Variants in COMMD10 observed in about 807,000 individuals in gnomAD.
COMMD10 encodes the protein COMM domain containing 10.
In COMMD10, 33 loss-of-function variants were observed where a neutral mutation model predicts 28.9. The observed-to-expected ratio is 1.14, with a 90% confidence interval of 0.87 to 1.53. The LOEUF is 1.53. COMMD10 is among the 40% of genes most tolerant of loss of function. The pLI is 0.00. For missense variants in COMMD10, 310 were observed against 233.4 expected, an observed-to-expected ratio of 1.33 and a Z score of -2.14; for synonymous variants, 110 against 81.7, an observed-to-expected ratio of 1.35 and a Z score of -1.87.
chr5:116,203,385 G>A (rs1468260753), intron 5 of COMMD10, among the ~76,000 whole-genome samples: 1 of 152,038 alleles, frequency 6.6e-6, no homozygotes, highest in Non-Finnish European at 1.5e-5. Flanking sequence ...AGGAAATACA[G>A]AGAACGCCAC....
intron 5 of COMMD10, among the ~76,000 whole-genome samples, chr5:116,186,308 T>C (rs6887275): frequency 0.32 from 48,404 of 152,042 alleles, 10,805 homozygotes; most frequent in African/African-American, 0.64. Flanking sequence ...ATTTGTTTCA[T>C]TTCCGCACTT....
intron 5 of COMMD10, among the ~76,000 whole-genome samples, chr5:116,225,369 T>TTTTTTTTTTTTTTTTTTTTTTTTG: frequency 6.7e-6 from 1 of 149,816 alleles, no homozygotes; most frequent in Non-Finnish European, 1.5e-5. Context: ...TTTTTTTTTT[T>TTTTTTTTTTTTTTTTTTTTTTTTG]TTGCATATGT....
intron 5 of COMMD10, among the ~76,000 whole-genome samples, chr5:116,176,759 C>T: frequency 6.6e-6 from 1 of 151,964 alleles, no homozygotes; most frequent in Non-Finnish European, 1.5e-5. Flanking sequence ...TGATTGTTGT[C>T]AGTATCTCCC....
rs185478906 is a variant in COMMD10 at position 116,163,135 on chromosome 5, T to A, written c.510+28957T>A. Among the ~76,000 whole-genome samples the A allele has an allele frequency of 4.9e-3, 715 of 145,508 alleles. 5 individuals are homozygous for A. Among genetic ancestry groups the A allele is most frequent in the African/African-American group, 0.016 (605 of 37,426 alleles). ...TTTACCAGAGTGAGTAATTTTTAGA[T>A]AATTCAGCATTAGATATATACAAAT... On this transcript the variant is annotated intron_variant, in intron 5 of 6. Coordinates refer to ENST00000274458, the MANE Select transcript of COMMD10 (RefSeq NM_016144.4).
At chr5:116,166,562 C>T (rs908705036) in intron 5 of COMMD10, among the ~76,000 whole-genome samples, 3 of 152,186 alleles carry the variant, frequency 2.0e-5, no homozygotes, top group Admixed American at 6.5e-5. Context: ...CACCTCCCAG[C>T]AGGGGTTGAC....
intron 5 of COMMD10, among the ~76,000 whole-genome samples, chr5:116,261,965 A>G (rs374642780): frequency 6.6e-6 from 1 of 151,694 alleles, no homozygotes; most frequent in African/African-American, 2.4e-5. Context: ...TAAGCACTTT[A>G]CATGTCATAT....
At chr5:116,262,686 C>G (rs111250915) in intron 5 of COMMD10, among the ~76,000 whole-genome samples, 1 of 151,804 alleles carries the variant, frequency 6.6e-6, no homozygotes, top group Non-Finnish European at 1.5e-5. Flanking sequence ...GCTGCAGATA[C>G]AATGCCTAAG....
chr5:116,227,664 C>T (rs6898928), intron 5 of COMMD10, among the ~76,000 whole-genome samples: 148,899 of 152,194 alleles, frequency 0.98, 72,927 homozygotes, highest in East Asian at 1. Flanking sequence ...TTTTCCAAGG[C>T]ATTGGCTTCA....
intron 5 of COMMD10, among the ~76,000 whole-genome samples, chr5:116,153,077 C>A (rs966814859): frequency 6.6e-6 from 1 of 152,068 alleles, no homozygotes; most frequent in Non-Finnish European, 1.5e-5. Flanking sequence ...TTCGACACTA[C>A]ACATGAATGA....
chr5:116,209,511 C>T (rs1207877278), intron 5 of COMMD10, among the ~76,000 whole-genome samples: 2 of 152,090 alleles, frequency 1.3e-5, no homozygotes, highest in Admixed American at 6.5e-5. Flanking sequence ...CATTTTGTAG[C>T]AGAAATAATA....
intron 5 of COMMD10, among the ~76,000 whole-genome samples, chr5:116,188,819 G>A (rs1748244084): frequency 6.6e-6 from 1 of 151,794 alleles, no homozygotes; most frequent in East Asian, 1.9e-4. Flanking sequence ...TTGTAGAGAG[G>A]GGGTTTCTCC....
chr5:116,184,840 G>A (rs1335225415), intron 5 of COMMD10, among the ~76,000 whole-genome samples: 1 of 152,020 alleles, frequency 6.6e-6, no homozygotes, highest in Non-Finnish European at 1.5e-5. Context: ...CATGAATCTT[G>A]GAGGCAATGT....
At chr5:116,140,850 T>C (rs1310209193) in intron 5 of COMMD10, among the ~76,000 whole-genome samples, 1 of 151,640 alleles carries the variant, frequency 6.6e-6, no homozygotes, top group Admixed American at 6.6e-5. Flanking sequence ...TTATCAGATA[T>C]GTGGTTTGCA....
intron 5 of COMMD10, among the ~76,000 whole-genome samples, chr5:116,151,952 G>T (rs541489329): frequency 1.3e-5 from 2 of 152,076 alleles, no homozygotes; most frequent in South Asian, 4.1e-4. Flanking sequence ...TGATGTTAGG[G>T]TGTCAGTTTT....
At chr5:116,164,486 CAGTG>C (rs1753027489) in intron 5 of COMMD10, among the ~76,000 whole-genome samples, 1 of 152,154 alleles carries the variant, frequency 6.6e-6, no homozygotes, top group African/African-American at 2.4e-5. Flanking sequence ...GAAGTCTTCT[CAGTG>C]AGCATGCCTT....
At chr5:116,115,136 A>G (rs1332339621) in intron 4 of COMMD10, among the ~76,000 whole-genome samples, 2 of 152,112 alleles carry the variant, frequency 1.3e-5, no homozygotes, top group African/African-American at 4.8e-5. Flanking sequence ...GGTCTCAGGG[A>G]AGGTGTGGAA....
At chr5:116,118,615 GC>G (rs1431335861) in intron 4 of COMMD10, among the ~76,000 whole-genome samples, 3 of 152,098 alleles carry the variant, frequency 2.0e-5, no homozygotes, top group African/African-American at 4.8e-5. Context: ...TGTACTTCAA[GC>G]CTTTTTGTGG....
At chr5:116,120,398 G>A (rs1751390324) in intron 4 of COMMD10, among the ~76,000 whole-genome samples, 1 of 152,070 alleles carries the variant, frequency 6.6e-6, no homozygotes. Flanking sequence ...ATTGGGTACA[G>A]TGTACACTGC....
intron 5 of COMMD10, among the ~76,000 whole-genome samples, chr5:116,228,579 C>T (rs1485968040): frequency 6.6e-6 from 1 of 151,906 alleles, no homozygotes; most frequent in African/African-American, 2.4e-5. Flanking sequence ...CTTTTCTTTT[C>T]AAAGTTTCAG....
Sources: allele counts gnomAD v4.1 joint callset (sites outside exome capture counted in the v4.1 genomes callset), GRCh38; gene constraint gnomAD v4.1.1; transcripts MANE v1.5; gene names NCBI Gene and HGNC (gene_info 2026-07-23, HGNC 2026-07-21).